Variants in EIF4B observed in about 807,000 individuals in gnomAD.
The protein encoded by EIF4B is eukaryotic translation initiation factor 4B.
Under a neutral mutation model 79.3 loss-of-function variants are expected in EIF4B, and 8 were observed. That is an observed-to-expected ratio of 0.10 (90% CI 0.06 to 0.18). The LOEUF is 0.18. EIF4B is among the 10% of genes least tolerant of loss of function. EIF4B has a pLI of 1.00. For missense variants in EIF4B, 515 were observed against 792.4 expected, an observed-to-expected ratio of 0.65 and a Z score of 4.20; for synonymous variants, 238 against 274.7, an observed-to-expected ratio of 0.87 and a Z score of 1.32.
At chr12:53,036,211 C>T (rs1943538645) in intron 10 of EIF4B, among the ~76,000 whole-genome samples, 1 of 152,056 alleles carries the variant, frequency 6.6e-6, no homozygotes, top group South Asian at 2.1e-4. Flanking sequence ...CTCCCGGGTT[C>T]AAGTGATTCT....
intron 6 of EIF4B, among the ~76,000 whole-genome samples, chr12:53,022,906 A>G (rs1943270451): frequency 6.6e-6 from 1 of 152,168 alleles, no homozygotes; most frequent in Non-Finnish European, 1.5e-5. Context: ...CATGGTGGCT[A>G]TAATCCCAAC....
chr12:53,021,668 G>T, intron 4 of EIF4B, 138 bp from the exon 5 acceptor site: 1 of 979,194 alleles, frequency 1.0e-6, no homozygotes, highest in Non-Finnish European at 1.6e-6. Flanking sequence ...CCCACAAATT[G>T]GAGTGTTAGC....
At chr12:53,034,588 G>A (rs772066907) in intron 9 of EIF4B, 24 bp from the exon 10 acceptor site, 1 of 1,613,546 alleles carries the variant, frequency 6.2e-7, no homozygotes, top group Non-Finnish European at 8.5e-7. Flanking sequence ...GGCATAATGT[G>A]TATTTTGTGA....
rs1394250068 is a variant in EIF4B at position 53,038,585 on chromosome 12, C to T, written c.1576+174C>T. ...ATCCCAGCACTTTGGGAGGCCAAGG[C>T]GGGCAGATCACAGGGCAGGAGTTTG... On this transcript the variant is annotated intron_variant, in intron 12 of 14. Coordinates refer to ENST00000262056, the MANE Select transcript of EIF4B (RefSeq NM_001417.7). The T allele has an allele frequency of 1.1e-5, 4 of 361,562 alleles. No homozygotes were observed. The highest frequency in any genetic ancestry group is 4.2e-5 in the African/African-American group (2 of 47,190). The allele number at this position is 361,562 out of a possible 1,614,324, so 22.4% of individuals were successfully genotyped here.
At chr12:53,022,759 A>G (rs886857271) in intron 6 of EIF4B, 132 bp downstream of exon 6, 1 of 1,206,506 alleles carries the variant, frequency 8.3e-7, no homozygotes, top group Admixed American at 3.4e-5. Flanking sequence ...AAAATTTTGG[A>G]TAGTATCTGA....
At position 53,041,398 on chromosome 12, in the gene EIF4B, T is replaced by TC. The variant is rs1341318096; in HGVS notation, c.*1176dup. The TC allele has an allele frequency of 1.3e-5, 2 of 152,226 alleles. No homozygotes were observed. The highest frequency in any genetic ancestry group is 6.5e-5 in the Admixed American group (1 of 15,276). 9.4% of individuals were successfully genotyped at this position (152,226 alleles called of 1,614,324 possible). A position where few individuals can be genotyped will look rare whatever the true frequency, so the allele number is the denominator to read the frequency against. ...CAGGGACAGTTAAATTGGGAGCCTTTCTTACAACCTTGATGGGATTTTTCC... is the reference window on the plus strand; with the variant it reads ...CAGGGACAGTTAAATTGGGAGCCTTTCCTTACAACCTTGATGGGATTTTTCC... On this transcript the variant is annotated 3_prime_UTR_variant, in exon 15 of 15. Coordinates refer to ENST00000262056, the MANE Select transcript of EIF4B (RefSeq NM_001417.7).
Position 53,034,601 on chromosome 12 carries a change from C to T in EIF4B, c.1209-11C>T. 2 of 1,613,838 alleles carry T rather than the reference C, an allele frequency of 1.2e-6. No individual in the cohort carries two copies. Among genetic ancestry groups the T allele is most frequent in the Admixed American group, 1.7e-5 (1 of 60,010 alleles). The stretch of plus-strand genomic sequence containing the variant: ...CAGGCATAATGTGTATTTTGTGAAT[C>T]TCTCGTACAGACACCCAAGCTGGCG... On this transcript the variant is annotated splice_polypyrimidine_tract_variant and intron_variant, in intron 9 of 14. Coordinates refer to ENST00000262056, the MANE Select transcript of EIF4B (RefSeq NM_001417.7).
At position 53,037,457 on chromosome 12, in the gene EIF4B, A is replaced by G. The variant is rs761354435; in HGVS notation, c.1355A>G (p.Asn452Ser). 6.2e-6 allele frequency: 10 copies of G among 1,613,246 alleles called. No homozygotes were observed. The South Asian group carries it at 8.8e-5, about 14-fold the overall frequency. The change falls in exon 11 of 15, where the codon AAT (asparagine) becomes AGT (serine). Residue 452 changes from asparagine (N) to serine (S), a missense_variant. Around this residue, in one of 6 missense-constraint regions of EIF4B, gnomAD observed 146 missense variants for 228.0 expected, o/e 0.64. Coordinates refer to ENST00000262056, the MANE Select transcript of EIF4B (RefSeq NM_001417.7). ...SEKSLENETLNKEEDCHSPTS... is the reference protein window; with the variant it reads ...SEKSLENETLSKEEDCHSPTS... Reference sequence around the variant, plus strand: ...AAGTCTCTAGAAAATGAAACACTCAATAAGGAGGAAGATTGCCACTCTCCA... The same window carrying G: ...AAGTCTCTAGAAAATGAAACACTCAGTAAGGAGGAAGATTGCCACTCTCCA...
intron 8 of EIF4B, 60 bp downstream of exon 8, chr12:53,028,248 T>C (rs1322952365): frequency 6.6e-7 from 1 of 1,522,584 alleles, no homozygotes; most frequent in East Asian, 2.3e-5. Flanking sequence ...ACGGAAAATT[T>C]GTGATTGTGT....
intron 1 of EIF4B, among the ~76,000 whole-genome samples, chr12:53,010,950 A>G (rs1234924620): frequency 6.6e-6 from 1 of 152,202 alleles, no homozygotes; most frequent in Non-Finnish European, 1.5e-5. Flanking sequence ...TTTGTATACC[A>G]TAAAATTTAC....
chr12:53,039,867 TG>T, intron 14 of EIF4B, 165 bp downstream of exon 14: 10 of 809,090 alleles, frequency 1.2e-5, no homozygotes, highest in Non-Finnish European at 1.7e-5. Flanking sequence ...TGGTCTTTAC[TG>T]AAATAGCGAA....
At position 53,022,456 on chromosome 12, in the gene EIF4B, G is replaced by A. The variant is rs980913625; in HGVS notation, c.533-37G>A. The A allele has an allele frequency of 6.2e-6, 10 of 1,604,918 alleles. No individual in the cohort carries two copies. In the African/African-American group the frequency reaches 1.1e-4, roughly 17 times the overall value. On this transcript the variant is annotated intron_variant, in intron 5 of 14. Transcript: ENST00000262056. ...GAGAAATATTGGGCAAAGTTTTTAT[G>A]AGATAACTTACGGTTTTTGTTTTAA...
At chr12:53,034,210 T>C (rs1943497090) in intron 9 of EIF4B, among the ~76,000 whole-genome samples, 176 bp downstream of exon 9, 1 of 152,212 alleles carries the variant, frequency 6.6e-6, no homozygotes, top group Non-Finnish European at 1.5e-5. Context: ...AGGGACAGTT[T>C]TACACAATGA....
intron 2 of EIF4B, among the ~76,000 whole-genome samples, chr12:53,018,301 A>C (rs531237744): frequency 1.3e-5 from 2 of 152,076 alleles, no homozygotes; most frequent in African/African-American, 4.8e-5. Flanking sequence ...TGTTGTTTTT[A>C]AGGGAGGATA....
chr12:53,012,858 G>A (rs944292880), intron 1 of EIF4B, among the ~76,000 whole-genome samples: 6 of 151,934 alleles, frequency 3.9e-5, no homozygotes, highest in South Asian at 4.1e-4. Context: ...CACCCGCCTC[G>A]GCCTCCCAAA....
chr12:53,018,659 TTACTG>T, intron 2 of EIF4B, 134 bp from the exon 3 acceptor site: 1 of 794,650 alleles, frequency 1.3e-6, no homozygotes. Context: ...AGTGCCCTTA[TTACTG>T]AACCCCCACT....
At position 53,041,258 on chromosome 12, in the gene EIF4B, A is replaced by G. The variant is rs1408900873; in HGVS notation, c.*1035A>G. ...GAAGAATCGCTGCTTTTCTCAAGCAAATCGGTTTCTTGATGTCTTTTGGTT... is the reference window on the plus strand; with the variant it reads ...GAAGAATCGCTGCTTTTCTCAAGCAGATCGGTTTCTTGATGTCTTTTGGTT... On this transcript the variant is annotated 3_prime_UTR_variant, in exon 15 of 15. Coordinates refer to ENST00000262056, the MANE Select transcript of EIF4B (RefSeq NM_001417.7). 1 of 152,198 alleles carries G rather than the reference A, an allele frequency of 6.6e-6. No homozygotes were observed. Among genetic ancestry groups the G allele is most frequent in the Non-Finnish European group, 1.5e-5 (1 of 68,028 alleles). The allele number at this position is 152,198 out of a possible 1,614,324, so 9.4% of individuals were successfully genotyped here.
Position 53,027,882 on chromosome 12 carries a change from T to C in EIF4B, c.768T>C (p.Asp256=), listed in dbSNP as rs1010012271. ...ATATGGATCGATATGGTGGCCGGGA[T>C]CGCTATGATGACCGAGGCAGCAGAG... ...RRDMDRYGGR[D]RYDDRGSRDY... Residue 256 remains aspartate (D), a synonymous_variant, in exon 7 of 15, where the codon GAT becomes GAC. Transcript: ENST00000262056. 8.7e-6 allele frequency: 14 copies of C among 1,614,132 alleles called. No individual in the cohort carries two copies. The highest frequency in any genetic ancestry group is 1.3e-5 in the African/African-American group (1 of 74,948).
At chr12:53,027,590 A>AT (rs1943358560) in intron 6 of EIF4B, among the ~76,000 whole-genome samples, 192 bp from the exon 7 acceptor site, 4 of 152,100 alleles carry the variant, frequency 2.6e-5, no homozygotes, top group Admixed American at 1.3e-4. Context: ...ATATTTAGGG[A>AT]TTTTTTAATT....
Sources: allele counts gnomAD v4.1 joint callset (sites outside exome capture counted in the v4.1 genomes callset), GRCh38; gene constraint gnomAD v4.1.1; regional missense constraint gnomAD v4.1.1; transcripts MANE v1.5; gene names NCBI Gene and HGNC (gene_info 2026-07-23, HGNC 2026-07-21).